DARS1: variants seen among roughly 807,000 people sequenced by gnomAD.
DARS1 encodes the protein aspartyl-tRNA synthetase 1.
DARS1 carries 51 observed loss-of-function variants against 68.8 expected under a neutral mutation model. The ratio of observed to expected loss-of-function variants is 0.74; its 90% CI spans 0.59 to 0.94. The LOEUF is 0.94. Ranked by LOEUF, DARS1 falls within the 40% of genes least tolerant of loss-of-function variation. The pLI is 0.00. For missense variants in DARS1, 607 were observed against 597.3 expected, an observed-to-expected ratio of 1.02 and a Z score of -0.17; for synonymous variants, 203 against 190.4, an observed-to-expected ratio of 1.07 and a Z score of -0.55.
chr2:135,923,268 TCC>T (rs1681143819), intron 8 of DARS1, among the ~76,000 whole-genome samples: 1 of 152,126 alleles, frequency 6.6e-6, no homozygotes, highest in South Asian at 2.1e-4. Flanking sequence ...TAAAAAAATT[TCC>T]CCAGGAGCTG....
intron 3 of DARS1, among the ~76,000 whole-genome samples, chr2:135,971,967 G>T (rs143580527): frequency 4.6e-5 from 7 of 152,170 alleles, no homozygotes; most frequent in African/African-American, 1.7e-4. Context: ...GATATTCCAT[G>T]TTCATGGATG....
At chr2:135,964,702 G>T (rs909908544) in intron 3 of DARS1, among the ~76,000 whole-genome samples, 35 of 151,878 alleles carry the variant, frequency 2.3e-4, no homozygotes, top group Non-Finnish European at 3.7e-4. Context: ...TTAGCCGGGC[G>T]TGGTGGCAGG....
At chr2:135,958,475 T>C (rs1682025806) in intron 4 of DARS1, among the ~76,000 whole-genome samples, 1 of 152,176 alleles carries the variant, frequency 6.6e-6, no homozygotes, top group African/African-American at 2.4e-5. Flanking sequence ...ATATATCTTT[T>C]CCCTAAAAAA....
intron 3 of DARS1, among the ~76,000 whole-genome samples, chr2:135,965,090 A>C (rs2104837228): frequency 6.6e-6 from 1 of 152,184 alleles, no homozygotes; most frequent in African/African-American, 2.4e-5. Flanking sequence ...TTGATAATAG[A>C]CCGTATTAGA....
intron 4 of DARS1, among the ~76,000 whole-genome samples, chr2:135,944,751 A>G (rs1681681549): frequency 6.6e-6 from 1 of 152,202 alleles, no homozygotes; most frequent in African/African-American, 2.4e-5. Context: ...GAAGGGATCA[A>G]GAGGCTCCAG....
chr2:135,981,674 C>CTTTTTTTTTTTTTTTTT (rs1312008531), intron 2 of DARS1, among the ~76,000 whole-genome samples: 5 of 140,554 alleles, frequency 3.6e-5, no homozygotes, highest in African/African-American at 1.3e-4. Flanking sequence ...GAAATTTTGG[C>CTTTTTTTTTTTTTTTTT]TTTTTTTTTT....
chr2:135,965,872 A>AAACC (rs1220774498), intron 3 of DARS1, among the ~76,000 whole-genome samples: 25 of 152,346 alleles, frequency 1.6e-4, no homozygotes, highest in Admixed American at 7.8e-4. Flanking sequence ...ACAAACAAAC[A>AAACC]AACCATCAGT....
At chr2:135,983,547 T>C in intron 1 of DARS1, 93 bp from the exon 2 acceptor site, 1 of 578,092 alleles carries the variant, frequency 1.7e-6, no homozygotes, top group Admixed American at 3.6e-5. Context: ...TAAAAATGAA[T>C]TTAACTTTCA....
chr2:135,956,099 T>C (rs1681969154), intron 4 of DARS1, among the ~76,000 whole-genome samples: 1 of 152,244 alleles, frequency 6.6e-6, no homozygotes. Context: ...ATCAGCATCT[T>C]AGCTTTGAAG....
intron 5 of DARS1, 76 bp from the exon 6 acceptor site, chr2:135,934,066 T>C: frequency 6.4e-7 from 1 of 1,557,148 alleles, no homozygotes. Flanking sequence ...CAATCTACAG[T>C]TGACTTAAGC....
At chr2:135,966,318 A>G (rs553816192) in intron 3 of DARS1, among the ~76,000 whole-genome samples, 1 of 152,216 alleles carries the variant, frequency 6.6e-6, no homozygotes, top group East Asian at 1.9e-4. Flanking sequence ...ATACCCATAA[A>G]TTACTTTCTA....
intron 2 of DARS1, among the ~76,000 whole-genome samples, chr2:135,982,230 A>G (rs1008903159): frequency 1.3e-5 from 2 of 152,200 alleles, no homozygotes; most frequent in African/African-American, 4.8e-5. Context: ...AATAGAAGTA[A>G]AAGAAAGGCA....
At chr2:135,926,266 G>A (rs1181718582) in intron 7 of DARS1, among the ~76,000 whole-genome samples, 3 of 152,158 alleles carry the variant, frequency 2.0e-5, no homozygotes, top group Non-Finnish European at 4.4e-5. Flanking sequence ...AATATGAATA[G>A]AAATTTCACC....
chr2:135,907,377 C>T lies in DARS1; in HGVS notation c.1445G>A (p.Gly482Glu), dbSNP rs757199434. 7 of 1,582,942 alleles carry T rather than the reference C, an allele frequency of 4.4e-6. No individual in the cohort carries two copies. The East Asian group carries it at 1.2e-4, about 26-fold the overall frequency. ...GLERVTMLFLGLHNVRQTSMF... is the reference protein window; with the variant it reads ...GLERVTMLFLELHNVRQTSMF... ...GGAGGTCTGACGAACATTATGCAAT[C>T]CCAGAAACAGCATAGTAACTCGTTC... The change falls in exon 16 of 16, where the codon GGA becomes GAA. Residue 482 changes from glycine to glutamate, a missense_variant. By Grantham distance (98) the Gly-to-Glu change is moderately conservative. Transcript: ENST00000264161.
At chr2:135,925,404 C>T (rs901784226) in intron 7 of DARS1, among the ~76,000 whole-genome samples, 2 of 152,194 alleles carry the variant, frequency 1.3e-5, no homozygotes, top group East Asian at 3.9e-4. Flanking sequence ...TTCTTAGTCT[C>T]ATTACGAGAA....
intron 2 of DARS1, among the ~76,000 whole-genome samples, chr2:135,980,946 C>G (rs1411891316): frequency 1.3e-5 from 2 of 152,174 alleles, no homozygotes; most frequent in Admixed American, 6.5e-5. Context: ...ATGCCATACT[C>G]ACATCACTAT....
chr2:135,912,335 G>C (rs550479434), intron 13 of DARS1, 151 bp downstream of exon 13: 4 of 427,356 alleles, frequency 9.4e-6, no homozygotes, highest in African/African-American at 8.2e-5. Flanking sequence ...ATATCATTTT[G>C]ACCAGTGGTG....
intron 4 of DARS1, among the ~76,000 whole-genome samples, chr2:135,948,371 T>C (rs552225521): frequency 6.6e-6 from 1 of 152,284 alleles, no homozygotes; most frequent in South Asian, 2.1e-4. Context: ...ACAGCACCTG[T>C]ATACCCTGCC....
intron 8 of DARS1, 80 bp downstream of exon 8, chr2:135,924,307 T>C (rs750324303): frequency 7.1e-7 from 1 of 1,403,114 alleles, no homozygotes; most frequent in Non-Finnish European, 9.3e-7. Context: ...ATTCTCAAGT[T>C]AAAAATTTTA....
Sources: allele counts gnomAD v4.1 joint callset (sites outside exome capture counted in the v4.1 genomes callset), GRCh38; gene constraint gnomAD v4.1.1; transcripts MANE v1.5; gene names NCBI Gene and HGNC (gene_info 2026-07-23, HGNC 2026-07-21).